Variants in SCAF11 observed in about 807,000 individuals in gnomAD.
The protein encoded by SCAF11 is SR-related CTD associated factor 11, also known as protein SCAF11.
In SCAF11, 47 loss-of-function variants were observed where a neutral mutation model predicts 140.5. That is an observed-to-expected ratio of 0.33 (90% CI 0.26 to 0.43). SCAF11 has a LOEUF of 0.43. Ranked by LOEUF, SCAF11 falls within the 20% of genes least tolerant of loss-of-function variation. The pLI, the probability that SCAF11 is intolerant of heterozygous loss-of-function variation, is 1.00. For synonymous variants in SCAF11, 557 were observed against 579.4 expected (o/e 0.96, Z 0.55); for missense variants, 1,645 against 1,705.1 (o/e 0.96, Z 0.62).
In SCAF11 at chr12:45,928,545, G is replaced by A. The variant is rs1592168769; in HGVS notation, c.1156C>T (p.Leu386=). 4.3e-6 allele frequency: 7 copies of A among 1,614,096 alleles called. No homozygotes were observed. The highest frequency in any genetic ancestry group is 1.7e-5 in the Admixed American group (1 of 60,004). ...ACAGAGCTCCGAAGTTTCTTTTTCA[G>A]TAAAGGTGGTTTTCTTCCTCTTCTT... ...SVRRGRKPPL[L]KKKLRSSVAA... The change falls in exon 11 of 15, where the codon CTG becomes TTG. Residue 386 remains leucine, a synonymous_variant. Transcript: ENST00000369367.
Position 45,923,101 on chromosome 12 carries a change from A to C in SCAF11, c.3960T>G (p.Pro1320=). The change falls in exon 13 of 15, where the codon CCT becomes CCG. Residue 1320 remains proline, a synonymous_variant. Transcript: ENST00000369367. ...VSNNMSTPVL[P]APTAAPGNTG... is the part of the protein sequence containing the mutation. ...TATTTCCTGGGGCTGCTGTCGGAGC[A>C]GGCAAAACTGGTGTACTCATGTTAT... 1 of 1,614,184 alleles carries C rather than the reference A, an allele frequency of 6.2e-7. No individual in the cohort carries two copies. Among genetic ancestry groups the C allele is most frequent in the Non-Finnish European group, 8.5e-7 (1 of 1,180,006 alleles).
intron 1 of SCAF11, among the ~76,000 whole-genome samples, chr12:45,987,187 T>C (rs1321244956): frequency 1.3e-5 from 2 of 152,168 alleles, no homozygotes; most frequent in Admixed American, 6.5e-5. Flanking sequence ...AAGTGAGAGC[T>C]GTGATCACAC....
chr12:45,934,588 T>C (rs1367589265), intron 6 of SCAF11, 83 bp from the exon 7 acceptor site: 7 of 811,592 alleles, frequency 8.6e-6, no homozygotes, highest in East Asian at 5.6e-5. Flanking sequence ...TACCAGCACA[T>C]TGGCAAGGGT....
At chr12:45,990,222 C>A in intron 1 of SCAF11, 131 bp downstream of exon 1, 1 of 1,192,932 alleles carries the variant, frequency 8.4e-7, no homozygotes, top group African/African-American at 1.6e-5. Context: ...ACGGGCCGCG[C>A]GAGATTCCGA....
At position 45,927,250 on chromosome 12, in the gene SCAF11, T is replaced by C. The variant is rs532565028; in HGVS notation, c.2451A>G (p.Pro817=). Residue 817 remains proline (P), a synonymous_variant, in exon 11 of 15, where the codon CCA becomes CCG. Transcript: ENST00000369367. ...CTTTCCCAGTTTCTCTTCTGGGAGA[T>C]GGAGACTGGGGCCGCTTCTTTTCTT... The part of the protein sequence containing the change: ...TPQEKKRPQS[P]SPRRETGKES... The C allele has an allele frequency of 1.9e-6, 3 of 1,614,072 alleles. No individual in the cohort carries two copies. The highest frequency in any genetic ancestry group is 3.3e-5 in the Admixed American group (2 of 59,996).
chr12:45,957,105 A>G (rs183079778), intron 3 of SCAF11, among the ~76,000 whole-genome samples: 242 of 152,312 alleles, frequency 1.6e-3, no homozygotes, highest in African/African-American at 5.5e-3. Context: ...AATGTATCTG[A>G]CAATACTTTA....
chr12:45,974,946 T>C (rs765251712), intron 1 of SCAF11: 6 of 152,260 alleles, frequency 3.9e-5, no homozygotes, highest in Non-Finnish European at 8.8e-5. Flanking sequence ...TACTTCTTGA[T>C]CACTGGGTTG....
At chr12:45,938,162 T>C (rs1013029636) in intron 6 of SCAF11, among the ~76,000 whole-genome samples, 2 of 152,178 alleles carry the variant, frequency 1.3e-5, no homozygotes, top group Admixed American at 6.5e-5. Flanking sequence ...TCTCCAGCTT[T>C]CTTGTCTTTG....
At chr12:45,990,689 C>A (rs1031232553), upstream of SCAF11, 28 of 847,744 alleles carry the variant, frequency 3.3e-5, no homozygotes, top group Non-Finnish European at 4.2e-5. Flanking sequence ...CAGCCGGACT[C>A]GCCACATTCT....
chr12:45,973,886 A>T (rs369300770), intron 1 of SCAF11, among the ~76,000 whole-genome samples: 1 of 152,224 alleles, frequency 6.6e-6, no homozygotes, highest in African/African-American at 2.4e-5. Context: ...ATGATGGAAG[A>T]TCAACAGAAA....
At chr12:45,931,372 A>C in intron 10 of SCAF11, 134 bp downstream of exon 10, 2 of 454,120 alleles carry the variant, frequency 4.4e-6, no homozygotes, top group Non-Finnish European at 3.9e-6. Flanking sequence ...TTGTCCAAAT[A>C]TTTATAGACG....
chr12:45,938,068 A>G (rs935685472), intron 6 of SCAF11, among the ~76,000 whole-genome samples: 12 of 152,170 alleles, frequency 7.9e-5, no homozygotes, highest in Non-Finnish European at 1.5e-4. Context: ...ATGTCTATGT[A>G]TCAGCTTTCT....
chr12:45,984,165 G>T (rs1946409959), intron 1 of SCAF11, among the ~76,000 whole-genome samples: 1 of 152,114 alleles, frequency 6.6e-6, no homozygotes, highest in Admixed American at 6.6e-5. Context: ...AAAGAAAAAG[G>T]GATTACTTCT....
intron 1 of SCAF11, 25 bp from the exon 2 acceptor site, chr12:45,964,213 AT>A (rs774605441): frequency 9.1e-7 from 1 of 1,094,028 alleles, no homozygotes; most frequent in South Asian, 1.4e-5. Flanking sequence ...ATAATAGAGA[AT>A]TTTATGTTTG....
At chr12:45,987,020 A>G (rs976595649) in intron 1 of SCAF11, among the ~76,000 whole-genome samples, 2 of 152,222 alleles carry the variant, frequency 1.3e-5, no homozygotes, top group African/African-American at 4.8e-5. Flanking sequence ...CTATATTAAG[A>G]CAAATGATAG....
chr12:45,974,261 G>T, intron 1 of SCAF11: 2 of 469,300 alleles, frequency 4.3e-6, no homozygotes, highest in Non-Finnish European at 8.8e-6. Context: ...ATGGTGGAGG[G>T]TCTTGCTTTG....
intron 6 of SCAF11, among the ~76,000 whole-genome samples, chr12:45,942,929 C>T (rs1027170737): frequency 5.3e-5 from 8 of 152,002 alleles, no homozygotes; most frequent in Non-Finnish European, 8.8e-5. Context: ...CTAAGAGTCA[C>T]TGTGCTCAGT....
chr12:45,934,396 A>T, intron 7 of SCAF11, 51 bp downstream of exon 7: 1 of 1,457,876 alleles, frequency 6.9e-7, no homozygotes, highest in Non-Finnish European at 9.4e-7. Flanking sequence ...GGACTAAATA[A>T]CCCTAAAGTG....
intron 1 of SCAF11, chr12:45,975,496 CT>C: frequency 5.6e-6 from 1 of 178,074 alleles, no homozygotes; most frequent in Non-Finnish European, 1.1e-5. Context: ...TCGCCTTGCA[CT>C]TTTATGTTAT....
Sources: allele counts gnomAD v4.1 joint callset (sites outside exome capture counted in the v4.1 genomes callset), GRCh38; gene constraint gnomAD v4.1.1; transcripts MANE v1.5; gene names NCBI Gene and HGNC (gene_info 2026-07-23, HGNC 2026-07-21).